Variants in RBFOX2 observed in about 807,000 individuals in gnomAD.
RBFOX2 encodes the protein RNA binding fox-1 homolog 2.
In RBFOX2, 10 loss-of-function variants were observed where a neutral mutation model predicts 49.1. That is an observed-to-expected ratio of 0.20 (90% CI 0.13 to 0.35). RBFOX2 has a LOEUF of 0.35. RBFOX2 is among the 10% of genes least tolerant of loss of function. The pLI, the probability that RBFOX2 is intolerant of heterozygous loss-of-function variation, is 1.00. For synonymous variants in RBFOX2, 183 were observed against 187.4 expected (o/e 0.98, Z 0.19); for missense variants, 323 against 486.9 (o/e 0.66, Z 3.17).
chr22:35,991,468 G>T (rs992513754), intron 1 of RBFOX2, among the ~76,000 whole-genome samples: 4 of 152,192 alleles, frequency 2.6e-5, no homozygotes, highest in Non-Finnish European at 5.9e-5. Flanking sequence ...TTAGTCCAAA[G>T]AATTCCTTAA....
chr22:36,007,505 C>A (rs1333034871), intron 1 of RBFOX2, among the ~76,000 whole-genome samples: 1 of 151,992 alleles, frequency 6.6e-6, no homozygotes, highest in Non-Finnish European at 1.5e-5. Context: ...AGTACCTATC[C>A]CTGTGTAATT....
intron 1 of RBFOX2, among the ~76,000 whole-genome samples, chr22:35,891,656 A>G (rs2047256935): frequency 1.3e-5 from 2 of 152,302 alleles, no homozygotes; most frequent in Middle Eastern, 3.4e-3. Context: ...AGACAGGGAG[A>G]ACATATCCTG....
In RBFOX2 at chr22:35,824,110, T is replaced by C. The variant is rs915552604; in HGVS notation, c.28-14106A>G. ...GTCACAGTGAGCCGAGATCGCGCTA[T>C]TGCACTCCAGACTGGGAGACAGGAT... On this transcript the variant is annotated intron_variant, in intron 1 of 11. Coordinates refer to ENST00000405409, the Ensembl canonical transcript of RBFOX2. 3.9e-5 allele frequency among the ~76,000 whole-genome samples: 6 copies of C among 152,034 alleles called. No homozygotes were observed. The South Asian group carries it at 8.3e-4, about 21-fold the overall frequency.
chr22:35,801,762 T>C (rs1445626198), intron 2 of RBFOX2, among the ~76,000 whole-genome samples: 4 of 152,080 alleles, frequency 2.6e-5, no homozygotes, highest in Non-Finnish European at 2.9e-5. Context: ...GAGGCTGAGG[T>C]TGCAGTGAGC....
chr22:35,763,014 C>A (rs1454251919), intron 6 of RBFOX2, among the ~76,000 whole-genome samples: 1 of 152,140 alleles, frequency 6.6e-6, no homozygotes, highest in African/African-American at 2.4e-5. Flanking sequence ...TGTAAGAACA[C>A]AAATATTCTG....
chr22:35,939,260 C>T (rs1184498515), upstream of RBFOX2: 6 of 486,258 alleles, frequency 1.2e-5, 1 homozygote, highest in East Asian at 1.8e-4. Context: ...CACACTAAGC[C>T]GTTAGCACCC....
chr22:35,861,035 T>C (rs1037789190), intron 1 of RBFOX2, among the ~76,000 whole-genome samples: 2 of 152,120 alleles, frequency 1.3e-5, no homozygotes, highest in African/African-American at 4.8e-5. Context: ...TGAAACAGAA[T>C]AGAAAGTCCA....
chr22:35,912,084 T>C (rs1012265194), intron 1 of RBFOX2, among the ~76,000 whole-genome samples: 4 of 152,196 alleles, frequency 2.6e-5, no homozygotes, highest in African/African-American at 9.6e-5. Flanking sequence ...GCATCATCAG[T>C]TGGTCATGCC....
chr22:35,811,773 G>A lies in RBFOX2; in HGVS notation c.28-1769C>T, dbSNP rs894797387. On this transcript the variant is annotated intron_variant, in intron 1 of 11. Transcript: ENST00000405409. ...GCGGCTAGGAGTTCAAGATCAGCCTGGCCAACACAAAGAGACCCTGTCTCT... is the reference window on the plus strand; with the variant it reads ...GCGGCTAGGAGTTCAAGATCAGCCTAGCCAACACAAAGAGACCCTGTCTCT... Among the ~76,000 whole-genome samples the A allele has an allele frequency of 1.3e-5, 2 of 152,078 alleles. 1 individual carries two copies. The highest frequency in any genetic ancestry group is 2.9e-5 in the Non-Finnish European group (2 of 68,022).
At position 35,749,464 on chromosome 22, in the gene RBFOX2, A is replaced by G. The variant is rs1277945234; in HGVS notation, c.888-2903T>C. On this transcript the variant is annotated intron_variant, in intron 9 of 11. Coordinates refer to ENST00000405409, the Ensembl canonical transcript of RBFOX2. This position sits in a 1 kb window ranked among gnomAD's most constrained non-coding sequence, Gnocchi z 4.1. ...TCACTAATGACTACTCCAAAAGTAGAAAAATTAATTGTGTATCATGGATGT... is the reference window on the plus strand; with the variant it reads ...TCACTAATGACTACTCCAAAAGTAGGAAAATTAATTGTGTATCATGGATGT... Among the ~76,000 whole-genome samples, 1 of 152,180 alleles carries G rather than the reference A, an allele frequency of 6.6e-6. No homozygotes were observed. Among genetic ancestry groups the G allele is most frequent in the Non-Finnish European group, 1.5e-5 (1 of 68,026 alleles).
intron 1 of RBFOX2, chr22:35,898,287 G>T: frequency 1.3e-6 from 1 of 748,598 alleles, no homozygotes; most frequent in Non-Finnish European, 2.5e-6. Flanking sequence ...TGAGGTATGA[G>T]GGCATGATGA....
chr22:35,746,551 G>C, exon 10 of RBFOX2: 1 of 1,597,180 alleles, frequency 6.3e-7, no homozygotes, highest in Non-Finnish European at 8.5e-7. Context: ...TCTGTAGGCT[G>C]CATATCCACC....
intron 1 of RBFOX2, among the ~76,000 whole-genome samples, chr22:35,871,848 T>G (rs913543825): frequency 6.6e-6 from 1 of 152,094 alleles, no homozygotes; most frequent in African/African-American, 2.4e-5. Context: ...GGTACATGGG[T>G]AATGAGGTAT....
intron 1 of RBFOX2, chr22:35,822,803 T>G (rs747601405): frequency 2.3e-6 from 1 of 432,650 alleles, no homozygotes; most frequent in East Asian, 7.0e-5. Flanking sequence ...CACTGTTTTA[T>G]GTTTTGTTTT....
intron 1 of RBFOX2, among the ~76,000 whole-genome samples, chr22:35,878,960 G>A (rs1369993364): frequency 1.3e-5 from 2 of 151,298 alleles, no homozygotes; most frequent in African/African-American, 2.4e-5. Context: ...TCAATCTCCT[G>A]ACCTCGTGAT....
At chr22:35,972,872 A>C (rs576643672) in intron 1 of RBFOX2, among the ~76,000 whole-genome samples, 1 of 152,326 alleles carries the variant, frequency 6.6e-6, no homozygotes, top group African/African-American at 2.4e-5. Context: ...GGAAAGTACA[A>C]GCCTAGCCAT....
intron 1 of RBFOX2, among the ~76,000 whole-genome samples, chr22:35,933,953 T>TATATATATATATATACAC (rs1009021083): frequency 1.4e-4 from 20 of 141,072 alleles, no homozygotes; most frequent in African/African-American, 4.5e-4. Context: ...TATATATATA[T>TATATATATATATATACAC]ACACACATCA....
At chr22:35,801,347 T>G (rs1457518370) in intron 2 of RBFOX2, among the ~76,000 whole-genome samples, 1 of 152,012 alleles carries the variant, frequency 6.6e-6, no homozygotes, top group African/African-American at 2.4e-5. Context: ...GATAGTAAGT[T>G]TAATAAAATA....
At chr22:35,964,835 T>C (rs1227732257), upstream of RBFOX2, among the ~76,000 whole-genome samples, 1 of 152,198 alleles carries the variant, frequency 6.6e-6, no homozygotes, top group Admixed American at 6.5e-5. Flanking sequence ...TAAACATATA[T>C]CCTTTTTTAC....
Sources: allele counts gnomAD v4.1 joint callset (sites outside exome capture counted in the v4.1 genomes callset), GRCh38; gene constraint gnomAD v4.1.1; non-coding constraint Gnocchi (gnomAD v3.1); transcripts MANE v1.5; gene names NCBI Gene and HGNC (gene_info 2026-07-23, HGNC 2026-07-21).